Variants in SARDH observed in about 807,000 individuals in gnomAD.
SARDH encodes the protein sarcosine dehydrogenase.
In SARDH, 95 loss-of-function variants were observed where a neutral mutation model predicts 109.1. The ratio of observed to expected loss-of-function variants is 0.87; its 90% CI spans 0.74 to 1.03. The LOEUF is 1.03. SARDH is among the 50% of genes least tolerant of loss of function. The pLI, the probability that SARDH is intolerant of heterozygous loss-of-function variation, is 0.00. For synonymous variants in SARDH, 572 were observed against 534.8 expected, an observed-to-expected ratio of 1.07 and a Z score of -0.96; for missense variants, 1,267 against 1,287.8, an observed-to-expected ratio of 0.98 and a Z score of 0.25.
At chr9:133,708,611 C>A (rs1057169075) in intron 10 of SARDH, among the ~76,000 whole-genome samples, 183 bp from the exon 11 acceptor site, 2 of 152,162 alleles carry the variant, frequency 1.3e-5, no homozygotes, top group African/African-American at 2.4e-5. Context: ...CTTTCTCCCC[C>A]AGAGCCACCC....
At chr9:133,739,523 G>A (rs968759893), upstream of SARDH, among the ~76,000 whole-genome samples, 1 of 152,222 alleles carries the variant, frequency 6.6e-6, no homozygotes, top group Non-Finnish European at 1.5e-5. Context: ...CACAAGGCTG[G>A]CTTCCTTCCA....
At chr9:133,703,236 T>C (rs954038180) in intron 12 of SARDH, 2 of 572,580 alleles carry the variant, frequency 3.5e-6, no homozygotes, top group Non-Finnish European at 6.3e-6. Flanking sequence ...GGCCGCAGGG[T>C]TGCCTGGTGG....
Position 133,670,601 on chromosome 9 carries a change from C to T in SARDH, c.2478G>A (p.Val826=), listed in dbSNP as rs370758526. ...QRAAGLRRRL[V]CFTMEDKVPM... is the part of the protein sequence containing the mutation. ...ATACTCACTCCTCCATGGTGAAGCACACCAGGCGCCGGCGGAGGCCTGCGG... is the reference window on the plus strand; with the variant it reads ...ATACTCACTCCTCCATGGTGAAGCATACCAGGCGCCGGCGGAGGCCTGCGG... The change falls in exon 19 of 21, where the codon GTG becomes GTA. Residue 826 remains valine (V), a synonymous_variant. Coordinates refer to ENST00000439388, the MANE Select transcript of SARDH (RefSeq NM_001134707.2). 32 of 1,575,164 alleles carry T rather than the reference C, an allele frequency of 2.0e-5. No individual in the cohort carries two copies. The highest frequency in any genetic ancestry group is 2.6e-5 in the Non-Finnish European group (30 of 1,160,674).
intron 6 of SARDH, among the ~76,000 whole-genome samples, chr9:133,727,048 C>G (rs1318440942): frequency 6.6e-6 from 1 of 152,180 alleles, no homozygotes; most frequent in Non-Finnish European, 1.5e-5. Flanking sequence ...AGGCTCTTAC[C>G]CACAGCTCTG....
Position 133,712,533 on chromosome 9 carries a change from C to G in SARDH, c.1328+86G>C. On this transcript the variant is annotated intron_variant, in intron 10 of 20. Transcript: ENST00000439388. This position sits in a 1 kb window ranked among gnomAD's most constrained non-coding sequence, Gnocchi z 4.1. Reference sequence around the variant, plus strand: ...GAAGCCACCTGGATTTCAGGCAAGGCTCCTTTCTCAGTAGCCCTCGCTGTT... The same window carrying G: ...GAAGCCACCTGGATTTCAGGCAAGGGTCCTTTCTCAGTAGCCCTCGCTGTT... 1 of 1,233,730 alleles carries G rather than the reference C, an allele frequency of 8.1e-7. No homozygotes were observed. Among genetic ancestry groups the G allele is most frequent in the Admixed American group, 1.8e-5 (1 of 55,350 alleles). The allele number at this position is 1,233,730 out of a possible 1,614,324, so 76.4% of individuals were successfully genotyped here.
intron 17 of SARDH, among the ~76,000 whole-genome samples, chr9:133,679,992 G>A (rs922618758): frequency 1.3e-5 from 2 of 152,192 alleles, no homozygotes; most frequent in Non-Finnish European, 2.9e-5. Context: ...GAACCCAACT[G>A]ATCGCCTATA....
At chr9:133,698,657 C>T (rs1324018094) in intron 13 of SARDH, among the ~76,000 whole-genome samples, 1 of 152,102 alleles carries the variant, frequency 6.6e-6, no homozygotes, top group Non-Finnish European at 1.5e-5. Context: ...AACAAGGGTG[C>T]CAAGACAATT....
At chr9:133,710,355 G>A (rs532222430) in intron 10 of SARDH, among the ~76,000 whole-genome samples, 24 of 152,360 alleles carry the variant, frequency 1.6e-4, no homozygotes, top group South Asian at 1.4e-3. Context: ...AGGAACTCAC[G>A]CGCAGGGCGG....
At chr9:133,664,156 G>A (rs1829976741) in intron 20 of SARDH, 142 bp from the exon 21 acceptor site, 1 of 1,143,982 alleles carries the variant, frequency 8.7e-7, no homozygotes, top group South Asian at 1.6e-5. Flanking sequence ...ACTCCTTTCT[G>A]AACCCAGGCA....
At position 133,717,929 on chromosome 9, in the gene SARDH, TG is replaced by T. The variant is rs201780829; in HGVS notation, c.1021-475del. Among the ~76,000 whole-genome samples, 1,355 of 152,300 alleles carry T rather than the reference TG, an allele frequency of 8.9e-3. 18 individuals carry two copies. The highest frequency in any genetic ancestry group is 0.03 in the African/African-American group (1,266 of 41,578). ...GGTTTGTTGTCGCGGTGCAGGGCTC[TG>T]CTTGGATGTCCCCTCCCTGAAAAAC... On this transcript the variant is annotated intron_variant, in intron 7 of 20. Coordinates refer to ENST00000439388, the MANE Select transcript of SARDH (RefSeq NM_001134707.2).
intron 17 of SARDH, among the ~76,000 whole-genome samples, chr9:133,676,243 G>A (rs570435976): frequency 6.6e-6 from 1 of 152,304 alleles, no homozygotes; most frequent in East Asian, 1.9e-4. Context: ...ATCACGCTAA[G>A]TGAAGGGAGC....
rs1401514279 is a variant in SARDH at position 133,728,262 on chromosome 9, G to A, written c.915+1503C>T. Among the ~76,000 whole-genome samples, 4 of 152,100 alleles carry A rather than the reference G, an allele frequency of 2.6e-5. No homozygotes were observed. The highest frequency in any genetic ancestry group is 6.5e-5 in the Admixed American group (1 of 15,272). ...AGGTTCCGGCCCCATTTCGCCACCC[G>A]CTTCACTACCCTGGTCTACGAAGCA... On this transcript the variant is annotated intron_variant, in intron 6 of 20. Coordinates refer to ENST00000439388, the MANE Select transcript of SARDH (RefSeq NM_001134707.2). The surrounding 1 kb of genome is among the most constrained non-coding windows in gnomAD (Gnocchi z 5.0).
chr9:133,734,204 C>G lies in SARDH; in HGVS notation c.-30-1G>C. 2.0e-6 allele frequency: 3 copies of G among 1,505,262 alleles called. No individual in the cohort carries two copies. The highest frequency in any genetic ancestry group is 2.4e-5 in the East Asian group (1 of 41,640). The allele number at this position is 1,505,262 out of a possible 1,614,324, so 93.2% of individuals were successfully genotyped here. Reference sequence around the variant, plus strand: ...CTCCAGGCCTCAGCGAAACAGGGAGCTGGGGAGAGAATCAGAGCTGGGTGG... The same window carrying G: ...CTCCAGGCCTCAGCGAAACAGGGAGGTGGGGAGAGAATCAGAGCTGGGTGG... On this transcript the variant is annotated splice_acceptor_variant, in intron 1 of 20. Coordinates refer to ENST00000439388, the MANE Select transcript of SARDH (RefSeq NM_001134707.2). LOFTEE classifies it low-confidence loss of function (5UTR_SPLICE).
chr9:133,704,736 A>G lies in SARDH; in HGVS notation c.1554+212T>C, dbSNP rs1831622228. The stretch of plus-strand genomic sequence containing the variant: ...CGGACGGGTAGTGGGGAGGACGAGG[A>G]GTGGGAATTGCGTGAACGGCACAAA... On this transcript the variant is annotated intron_variant, in intron 12 of 20. Transcript: ENST00000439388. The surrounding 1 kb of genome is among the most constrained non-coding windows in gnomAD (Gnocchi z 4.5). Among the ~76,000 whole-genome samples the G allele has an allele frequency of 6.6e-6, 1 of 152,064 alleles. No homozygotes were observed. Among genetic ancestry groups the G allele is most frequent in the East Asian group, 1.9e-4 (1 of 5,194 alleles).
intron 19 of SARDH, 132 bp downstream of exon 19, chr9:133,670,452 G>A (rs762399365): frequency 1.2e-4 from 121 of 1,019,744 alleles, no homozygotes; most frequent in Admixed American, 3.4e-4. Flanking sequence ...TGTTGGGTGC[G>A]TTCTGGAAGA....
chr9:133,718,883 A>T lies in SARDH; in HGVS notation c.1020+55T>A. On this transcript the variant is annotated intron_variant, in intron 7 of 20. Coordinates refer to ENST00000439388, the MANE Select transcript of SARDH (RefSeq NM_001134707.2). The surrounding 1 kb of genome is among the most constrained non-coding windows in gnomAD (Gnocchi z 4.2). ...GGACTTCCTGAAAGAGGCCCTCTCC[A>T]TGCTGAGATGCAGCCCCAACTCCCT... 1 of 1,358,806 alleles carries T rather than the reference A, an allele frequency of 7.4e-7. No individual in the cohort carries two copies. The highest frequency in any genetic ancestry group is 1.1e-6 in the Non-Finnish European group (1 of 948,310). 84.2% of individuals were successfully genotyped at this position (1,358,806 alleles called of 1,614,324 possible).
chr9:133,664,857 G>A lies in SARDH; in HGVS notation c.2632-843C>T, dbSNP rs554986971. Among the ~76,000 whole-genome samples the A allele has an allele frequency of 2.6e-5, 4 of 152,360 alleles. No homozygotes were observed. The East Asian group carries it at 5.8e-4, about 22-fold the overall frequency. On this transcript the variant is annotated intron_variant, in intron 20 of 20. Coordinates refer to ENST00000439388, the MANE Select transcript of SARDH (RefSeq NM_001134707.2). ...AGCTCTGAGCTGCCCCCCGCAGGCA[G>A]GCAGCATGGAGAGCTGGTGGCCTTC...
rs1554763058 is a variant in SARDH, at chr9:133,734,352, T to TTCATTCACTCAC, written c.-30-150_-30-149insGTGAGTGAATGA. ...TGGCATTCATTCATTCACTCATTCA[T>TTCATTCACTCAC]TCATTCATTCACTCATTCATTCATT... is the stretch of plus-strand genomic sequence containing the variant. On this transcript the variant is annotated intron_variant, in intron 1 of 20. Coordinates refer to ENST00000439388, the MANE Select transcript of SARDH (RefSeq NM_001134707.2). The TTCATTCACTCAC allele has an allele frequency of 1.1e-3, 553 of 496,442 alleles. 6 individuals carry two copies. The highest frequency in any genetic ancestry group is 0.01 in the African/African-American group (513 of 49,992). 30.8% of individuals were successfully genotyped at this position (496,442 alleles called of 1,614,324 possible).
chr9:133,713,466 C>T (rs915529206), intron 8 of SARDH, among the ~76,000 whole-genome samples: 1 of 152,248 alleles, frequency 6.6e-6, no homozygotes, highest in African/African-American at 2.4e-5. Flanking sequence ...AGTGCACCAG[C>T]GTCCTGCTGT....
Sources: gnomAD v4.1 joint callset for allele counts (sites outside exome capture counted in the v4.1 genomes callset) on GRCh38, gnomAD v4.1.1 for gene constraint, Gnocchi (gnomAD v3.1) non-coding constraint, MANE v1.5 for transcripts, NCBI Gene and HGNC (gene_info 2026-07-23, HGNC 2026-07-21) for gene names.